The following MEG3 variants were observed in gnomAD, a reference collection of about 807,000 sequenced individuals.
The protein encoded by MEG3 is maternally expressed 3, also known as Very putative protein from MEG3 locus.
chr14:100,850,980 T>C (rs1312068775), intron 3 of MEG3: 3 of 152,450 alleles, frequency 2.0e-5, no homozygotes, highest in Non-Finnish European at 4.4e-5. Flanking sequence ...GCTGTAGGCA[T>C]GTCATGTGCT....
Position 100,826,310 on chromosome 14 carries a change from A to G in MEG3, n.372-2398A>G, listed in dbSNP as rs1169975805. ...GCTCTGTCCTCCTGGACATGCCGAG[A>G]GCCTGCCTGATCCTGGGTCCTGCTG... On this transcript the variant is annotated intron_variant and non_coding_transcript_variant, in intron 1 of 2. Coordinates refer to ENST00000556407, the Ensembl canonical transcript of MEG3. The G allele has an allele frequency of 3.3e-5, 5 of 152,344 alleles. No individual in the cohort carries two copies. In the East Asian group the frequency reaches 9.7e-4, roughly 29 times the overall value. 9.4% of individuals were successfully genotyped at this position (152,344 alleles called of 1,614,324 possible).
At chr14:100,843,845 T>G (rs1467618642) in intron 2 of MEG3, among the ~76,000 whole-genome samples, 1 of 146,518 alleles carries the variant, frequency 6.8e-6, no homozygotes, top group Non-Finnish European at 1.5e-5. Context: ...TTTTTTTTTT[T>G]TTTTTTTTTT....
exon 1 of MEG3, chr14:100,835,184 G>A (rs974734272): frequency 2.4e-5 from 6 of 251,840 alleles, no homozygotes; most frequent in Non-Finnish European, 4.0e-5. Context: ...TGCCTTCCCC[G>A]CCCCATTCCT....
chr14:100,839,409 A>G (rs1223401213), intron 2 of MEG3, among the ~76,000 whole-genome samples: 1 of 152,188 alleles, frequency 6.6e-6, no homozygotes, highest in Non-Finnish European at 1.5e-5. Context: ...TTCGTCTCCC[A>G]TCCCCGATTT....
At chr14:100,842,309 C>T (rs995883716) in intron 2 of MEG3, among the ~76,000 whole-genome samples, 1 of 152,184 alleles carries the variant, frequency 6.6e-6, no homozygotes, top group Non-Finnish European at 1.5e-5. Context: ...TCTAATTGCC[C>T]ACTCCTGAAG....
At chr14:100,852,043 C>CT in intron 3 of MEG3, 1 of 277,694 alleles carries the variant, frequency 3.6e-6, no homozygotes, top group Non-Finnish European at 7.2e-6. Flanking sequence ...AGGAGCACAG[C>CT]TTGGATGGAC....
intron 2 of MEG3, among the ~76,000 whole-genome samples, chr14:100,840,961 A>C (rs1381048613): frequency 6.6e-6 from 1 of 152,190 alleles, no homozygotes; most frequent in Non-Finnish European, 1.5e-5. Context: ...CAGTGGACAT[A>C]GAGTGATTCC....
At chr14:100,842,868 G>A (rs2037801508) in intron 2 of MEG3, among the ~76,000 whole-genome samples, 1 of 152,160 alleles carries the variant, frequency 6.6e-6, no homozygotes, top group Non-Finnish European at 1.5e-5. Context: ...CTCACTGCAC[G>A]CACTTATGAG....
chr14:100,845,379 T>G lies in MEG3; in HGVS notation n.3046-79T>G. ...GCCACCCCTGCCCGCCCCCCAGAGC[T>G]GTTGTCCTCATCCGCCCTCCTCCTC... On this transcript the variant is annotated intron_variant and non_coding_transcript_variant, in intron 2 of 3. Coordinates refer to the MEG3 transcript ENST00000398461. This position sits in a 1 kb window ranked among gnomAD's most constrained non-coding sequence, Gnocchi z 5.2. 2.5e-6 allele frequency: 1 copy of G among 403,300 alleles called. No homozygotes were observed. Among genetic ancestry groups the G allele is most frequent in the South Asian group, 1.8e-5 (1 of 57,044 alleles). The allele number at this position is 403,300 out of a possible 1,614,324, so 25.0% of individuals were successfully genotyped here.
At position 100,845,191 on chromosome 14, in the gene MEG3, A is replaced by G. The variant is rs2037880564; in HGVS notation, n.3046-267A>G. On this transcript the variant is annotated intron_variant and non_coding_transcript_variant, in intron 2 of 3. Transcript: ENST00000398461. The surrounding 1 kb of genome is among the most constrained non-coding windows in gnomAD (Gnocchi z 5.2). ...GGTCCTAAGCCTTTGGGTCCCACAG[A>G]GCACGACTTCGCTCCGTGAACAGCA... is the stretch of plus-strand genomic sequence containing the variant. 6.6e-6 allele frequency among the ~76,000 whole-genome samples: 1 copy of G among 152,200 alleles called. No homozygotes were observed. Among genetic ancestry groups the G allele is most frequent in the African/African-American group, 2.4e-5 (1 of 41,446 alleles).
At chr14:100,842,621 G>A (rs3783355) in intron 2 of MEG3, among the ~76,000 whole-genome samples, 35,086 of 152,010 alleles carry the variant, frequency 0.23, 4,177 homozygotes, top group Admixed American at 0.31. Context: ...GTGTAACGAC[G>A]GGCTCTATTT....
intron 2 of MEG3, among the ~76,000 whole-genome samples, chr14:100,843,989 A>T (rs2037838559): frequency 1.3e-5 from 2 of 151,646 alleles, no homozygotes; most frequent in African/African-American, 4.8e-5. Context: ...ATAGGCACAT[A>T]CCACCACGCT....
chr14:100,847,435 A>C (rs370065924), intron 3 of MEG3: 1 of 152,240 alleles, frequency 6.6e-6, no homozygotes, highest in Middle Eastern at 3.2e-3. Context: ...GATATGAGAA[A>C]GGTAATATTG....
At chr14:100,857,853 A>T (rs1010578621) in exon 1 of MEG3, 11 of 152,226 alleles carry the variant, frequency 7.2e-5, no homozygotes, top group African/African-American at 2.7e-4. Context: ...TAGAGAGAGG[A>T]TGAGGAAGGG....
At chr14:100,860,735 G>A (rs1009621118) in intron 1 of MEG3, 1 of 456,498 alleles carries the variant, frequency 2.2e-6, no homozygotes, top group Admixed American at 2.3e-5. Flanking sequence ...CCACGGGACA[G>A]GCTGGACCCA....
At chr14:100,849,956 C>T (rs1555364472) in intron 3 of MEG3, 1 of 152,090 alleles carries the variant, frequency 6.6e-6, no homozygotes, top group Non-Finnish European at 1.5e-5. Context: ...ATACCTGGCT[C>T]CAAAACAAGG....
chr14:100,836,676 G>A (rs1198153189), intron 2 of MEG3, among the ~76,000 whole-genome samples: 1 of 152,002 alleles, frequency 6.6e-6, no homozygotes, highest in East Asian at 1.9e-4. Flanking sequence ...GCCCACACCC[G>A]GCCCAGGGAC....
chr14:100,860,089 T>C (rs2038360916), exon 1 of MEG3: 2 of 154,354 alleles, frequency 1.3e-5, no homozygotes, highest in African/African-American at 2.4e-5. Context: ...GGGTGCTGGC[T>C]GCGGAGGCCC....
chr14:100,844,056 T>C (rs934382529), intron 2 of MEG3, among the ~76,000 whole-genome samples: 6 of 152,194 alleles, frequency 3.9e-5, no homozygotes, highest in East Asian at 1.9e-4. Flanking sequence ...GGTCTCGAAC[T>C]CCTGACCTCA....
Sources: gnomAD v4.1 joint callset for allele counts (sites outside exome capture counted in the v4.1 genomes callset) on GRCh38, gnomAD v4.1.1 for gene constraint, Gnocchi (gnomAD v3.1) non-coding constraint, MANE v1.5 for transcripts, NCBI Gene and HGNC (gene_info 2026-07-23, HGNC 2026-07-21) for gene names.